Variants in OTOGL observed in about 807,000 individuals in gnomAD.
OTOGL encodes the protein otogelin like, also known as otogelin-like protein.
OTOGL carries 285 observed loss-of-function variants against 318.5 expected under a neutral mutation model. The observed-to-expected ratio is 0.89, with a 90% CI of 0.81 to 0.99. The LOEUF is 0.99. Ranked by LOEUF, OTOGL falls within the 50% of genes least tolerant of loss-of-function variation. The pLI is 0.00. For missense variants in OTOGL, 2,899 were observed against 2,845.6 expected (o/e 1.02, Z -0.43); for synonymous variants, 987 against 936.5 (o/e 1.05, Z -0.99).
chr12:80,271,513 T>C (rs758734763), intron 23 of OTOGL, 135 bp from the exon 24 acceptor site: 1 of 727,080 alleles, frequency 1.4e-6, no homozygotes, highest in Non-Finnish European at 2.1e-6. Context: ...AGTTAGTTAC[T>C]GTCTTATGGA....
rs552582832 is a variant in OTOGL at position 80,181,141 on chromosome 12, G to T, written c.-19-28272G>T. Among the ~76,000 whole-genome samples, 6 of 152,288 alleles carry T rather than the reference G, an allele frequency of 3.9e-5. 1 individual carries two copies. Among genetic ancestry groups the T allele is most frequent in the African/African-American group, 1.4e-4 (6 of 41,556 alleles). ...GTTTGTCAATTGGTACATTTCAGCAGATATTACAATTAGTTTAGATCCTTT... is the reference window on the plus strand; with the variant it reads ...GTTTGTCAATTGGTACATTTCAGCATATATTACAATTAGTTTAGATCCTTT... On this transcript the variant is annotated intron_variant, in intron 1 of 58. Coordinates refer to ENST00000547103, the MANE Select transcript of OTOGL (RefSeq NM_001378609.3).
intron 52 of OTOGL, 167 bp from the exon 53 acceptor site, chr12:80,366,407 G>A: frequency 2.1e-6 from 1 of 470,602 alleles, no homozygotes; most frequent in Non-Finnish European, 4.2e-6. Context: ...CAAACAATAT[G>A]ATTTTAAAGT....
chr12:80,107,805 A>G (rs1378313824), intron 1 of OTOGL, among the ~76,000 whole-genome samples: 1 of 152,154 alleles, frequency 6.6e-6, no homozygotes, highest in Non-Finnish European at 1.5e-5. Flanking sequence ...CAGCAACATG[A>G]TGGAGCTGGA....
chr12:80,179,210 C>G (rs1874747446), intron 1 of OTOGL, among the ~76,000 whole-genome samples: 1 of 152,098 alleles, frequency 6.6e-6, no homozygotes, highest in Admixed American at 6.6e-5. Context: ...TTAGTGTGCT[C>G]ACATGTGGGA....
At chr12:80,283,731 C>A (rs531892001) in intron 26 of OTOGL, among the ~76,000 whole-genome samples, 1 of 152,020 alleles carries the variant, frequency 6.6e-6, no homozygotes, top group African/African-American at 2.4e-5. Flanking sequence ...AATGCATACA[C>A]GAGCTTTCAA....
At chr12:80,162,076 T>C (rs1421721814) in intron 1 of OTOGL, among the ~76,000 whole-genome samples, 3 of 152,172 alleles carry the variant, frequency 2.0e-5, no homozygotes, top group African/African-American at 7.2e-5. Context: ...ATTGAATGAA[T>C]ACACAGTTAT....
At chr12:80,101,308 G>A (rs974931832) in intron 1 of OTOGL, among the ~76,000 whole-genome samples, 4 of 152,140 alleles carry the variant, frequency 2.6e-5, no homozygotes, top group Non-Finnish European at 5.9e-5. Context: ...TGGTAAGTGG[G>A]TGGAATATGT....
chr12:80,328,993 T>A lies in OTOGL; in HGVS notation c.4280-58T>A, dbSNP rs1322156160. The A allele has an allele frequency of 1.2e-5, 17 of 1,440,026 alleles. No individual in the cohort carries two copies. The East Asian group carries it at 4.1e-4, about 34-fold the overall frequency. 89.2% of individuals were successfully genotyped at this position (1,440,026 alleles called of 1,614,324 possible). ...AAGCTAAAGAGTCCTCTATGAAATATGTGGGTCTAATTTTATGCAAATACA... is the reference window on the plus strand; with the variant it reads ...AAGCTAAAGAGTCCTCTATGAAATAAGTGGGTCTAATTTTATGCAAATACA... On this transcript the variant is annotated intron_variant, in intron 36 of 58. Coordinates refer to ENST00000547103, the MANE Select transcript of OTOGL (RefSeq NM_001378609.3).
chr12:80,364,725 G>A (rs369555729), intron 52 of OTOGL, among the ~76,000 whole-genome samples: 1 of 151,964 alleles, frequency 6.6e-6, no homozygotes, highest in South Asian at 2.1e-4. Flanking sequence ...AGGTTAATCC[G>A]TGTTGCTGCA....
intron 1 of OTOGL, among the ~76,000 whole-genome samples, chr12:80,172,737 C>A (rs940956414): frequency 2.0e-5 from 3 of 152,140 alleles, no homozygotes; most frequent in Non-Finnish European, 2.9e-5. Context: ...TTTGCAGGCA[C>A]GATCTCGGCT....
intron 44 of OTOGL, among the ~76,000 whole-genome samples, chr12:80,343,096 G>C (rs372281784): frequency 7.9e-5 from 12 of 152,032 alleles, no homozygotes; most frequent in Admixed American, 2.0e-4. Flanking sequence ...GGATGGTCTC[G>C]ATCTCCTGAC....
At chr12:80,216,440 T>G (rs1439900121) in intron 4 of OTOGL, among the ~76,000 whole-genome samples, 1 of 152,182 alleles carries the variant, frequency 6.6e-6, no homozygotes, top group Non-Finnish European at 1.5e-5. Flanking sequence ...ATACACTCAA[T>G]TGGTATGGAG....
chr12:80,251,026 T>C (rs1044286509), intron 11 of OTOGL, among the ~76,000 whole-genome samples: 1 of 152,224 alleles, frequency 6.6e-6, no homozygotes, highest in Admixed American at 6.5e-5. Context: ...TTGAAAGAAT[T>C]CAAAATCCTC....
rs531626021 is a variant in OTOGL at position 80,154,311 on chromosome 12, A to AG, written c.-20+54713dup. ...GCAACAGAGCAAGACTCAGTTAAAAAGGGGGGGAAAAAGAAAGCTTGGACT... is the reference window on the plus strand; with the variant it reads ...GCAACAGAGCAAGACTCAGTTAAAAAGGGGGGGGAAAAAGAAAGCTTGGACT... On this transcript the variant is annotated intron_variant, in intron 1 of 58. Transcript: ENST00000547103. Among the ~76,000 whole-genome samples, 262 of 152,154 alleles carry AG rather than the reference A, an allele frequency of 1.7e-3. 1 individual carries two copies. Among genetic ancestry groups the AG allele is most frequent in the African/African-American group, 6.0e-3 (248 of 41,492 alleles).
intron 1 of OTOGL, among the ~76,000 whole-genome samples, chr12:80,124,770 A>G (rs972482354): frequency 6.6e-6 from 1 of 151,744 alleles, no homozygotes; most frequent in African/African-American, 2.4e-5. Flanking sequence ...TGTAAGTTGG[A>G]TTCCTAGGTA....
chr12:80,107,248 A>G (rs1010391924), intron 1 of OTOGL, among the ~76,000 whole-genome samples: 2 of 152,180 alleles, frequency 1.3e-5, no homozygotes, highest in African/African-American at 4.8e-5. Context: ...AAGCAACCCC[A>G]TTAAAAGGTG....
intron 8 of OTOGL, among the ~76,000 whole-genome samples, chr12:80,230,412 T>C (rs995238046): frequency 6.6e-6 from 1 of 152,216 alleles, no homozygotes; most frequent in Non-Finnish European, 1.5e-5. Flanking sequence ...AAGAAGATAA[T>C]GCAGTTACAC....
intron 58 of OTOGL, 133 bp downstream of exon 58, chr12:80,377,335 CT>C: frequency 3.4e-6 from 2 of 586,586 alleles, no homozygotes; most frequent in Non-Finnish European, 5.9e-6. Flanking sequence ...TTCCTACATT[CT>C]AATGTTGCAA....
At chr12:80,204,332 T>G (rs941658221) in intron 1 of OTOGL, among the ~76,000 whole-genome samples, 5 of 152,192 alleles carry the variant, frequency 3.3e-5, no homozygotes, top group Non-Finnish European at 7.3e-5. Flanking sequence ...GACACTCCAG[T>G]GGCTCTTGTC....
Sources: gnomAD v4.1 joint callset for allele counts (sites outside exome capture counted in the v4.1 genomes callset) on GRCh38, gnomAD v4.1.1 for gene constraint, MANE v1.5 for transcripts, NCBI Gene and HGNC (gene_info 2026-07-23, HGNC 2026-07-21) for gene names.